KDM4B: variants seen among roughly 807,000 people sequenced by gnomAD.
KDM4B encodes the protein lysine demethylase 4B.
KDM4B carries 32 observed loss-of-function variants against 125.2 expected under a neutral mutation model. The observed-to-expected ratio is 0.26, with a 90% CI of 0.19 to 0.34. The LOEUF (loss-of-function observed/expected upper bound fraction) is 0.34. KDM4B is among the 10% of genes least tolerant of loss of function. KDM4B has a pLI of 1.00. For missense variants in KDM4B, 1,190 were observed against 1,577.7 expected (o/e 0.75, Z 4.16); for synonymous variants, 721 against 677.9 (o/e 1.06, Z -0.99).
intron 1 of KDM4B, among the ~76,000 whole-genome samples, chr19:5,008,593 T>TTC (rs1169107521): frequency 3.3e-4 from 47 of 143,416 alleles, no homozygotes; most frequent in African/African-American, 1.2e-3. Context: ...TTCTTTTTCT[T>TTC]TTTTTTTTTT....
chr19:5,010,709 G>A (rs10402350), intron 1 of KDM4B, among the ~76,000 whole-genome samples: 47,536 of 152,004 alleles, frequency 0.31, 7,650 homozygotes, highest in Non-Finnish European at 0.34. Context: ...ATGCAGTGGC[G>A]CGATCTTCGC....
At chr19:5,087,378 C>T (rs1044506324) in intron 9 of KDM4B, among the ~76,000 whole-genome samples, 1 of 152,246 alleles carries the variant, frequency 6.6e-6, no homozygotes, top group Non-Finnish European at 1.5e-5. Context: ...CGGCTCTCCA[C>T]TCCTGCTCAT....
intron 11 of KDM4B, among the ~76,000 whole-genome samples, chr19:5,124,097 G>A (rs1008561827): frequency 2.0e-5 from 3 of 152,128 alleles, no homozygotes; most frequent in Non-Finnish European, 4.4e-5. Context: ...GAACGTGCTG[G>A]GGGCTGTGTG....
intron 9 of KDM4B, among the ~76,000 whole-genome samples, chr19:5,106,267 C>T (rs1004839976): frequency 2.0e-5 from 3 of 151,412 alleles, no homozygotes; most frequent in East Asian, 3.9e-4. Context: ...TGTGTGTGTG[C>T]GCGCGCGTGC....
At chr19:5,075,853 G>C (rs983462537) in intron 7 of KDM4B, 3 of 152,582 alleles carry the variant, frequency 2.0e-5, no homozygotes, top group African/African-American at 7.2e-5. Flanking sequence ...TTGGTGGCCC[G>C]GGCCTCGATT....
At chr19:5,135,658 A>C in intron 15 of KDM4B, 97 bp downstream of exon 15, 1 of 1,035,164 alleles carries the variant, frequency 9.7e-7, no homozygotes, top group Non-Finnish European at 1.4e-6. Context: ...GGAGGGCCAC[A>C]CCGGCCCCTC....
At chr19:5,118,225 C>T (rs2146011749) in intron 10 of KDM4B, among the ~76,000 whole-genome samples, 1 of 152,310 alleles carries the variant, frequency 6.6e-6, no homozygotes, top group Admixed American at 6.5e-5. Context: ...CACAGGGACC[C>T]CCGTGGGATT....
chr19:5,104,210 G>A (rs1438173118), intron 9 of KDM4B, among the ~76,000 whole-genome samples: 6 of 152,124 alleles, frequency 3.9e-5, no homozygotes, highest in South Asian at 2.1e-4. Flanking sequence ...ACGAGCAGGC[G>A]TGCCAGCACA....
intron 6 of KDM4B, among the ~76,000 whole-genome samples, chr19:5,059,702 G>A (rs1456525523): frequency 6.6e-6 from 1 of 152,248 alleles, no homozygotes; most frequent in Non-Finnish European, 1.5e-5. Context: ...TCGGTCACCA[G>A]GGGCCTGGCG....
chr19:5,027,461 C>CT (rs1777841757), intron 2 of KDM4B, among the ~76,000 whole-genome samples: 1 of 152,132 alleles, frequency 6.6e-6, no homozygotes. Flanking sequence ...CCAGTTTCCT[C>CT]TCTTCTTTTG....
intron 1 of KDM4B, among the ~76,000 whole-genome samples, chr19:4,993,370 C>T (rs1345759584): frequency 1.3e-5 from 2 of 151,522 alleles, no homozygotes. Flanking sequence ...GATCACCCCA[C>T]TACCCTCCAG....
chr19:5,003,788 G>A (rs2035466510), intron 1 of KDM4B, among the ~76,000 whole-genome samples: 1 of 152,120 alleles, frequency 6.6e-6, no homozygotes, highest in South Asian at 2.1e-4. Context: ...CAGCCTGGGT[G>A]ACGAGAGTGA....
Position 4,999,833 on chromosome 19 carries a change from C to T in KDM4B, c.-108-16424C>T, listed in dbSNP as rs547264318. ...TCTATCCACCCGTCCACCCACCCAC[C>T]GACCCACCCACCTATCCATCTATCC... On this transcript the variant is annotated intron_variant, in intron 1 of 22. Coordinates refer to ENST00000159111, the MANE Select transcript of KDM4B (RefSeq NM_015015.3). 3.0e-4 allele frequency among the ~76,000 whole-genome samples: 43 copies of T among 144,214 alleles called. 1 individual carries two copies. Among genetic ancestry groups the T allele is most frequent in the South Asian group, 1.2e-3 (5 of 4,304 alleles). 94.6% of individuals were successfully genotyped at this position (144,214 alleles called of 152,430 possible).
intron 6 of KDM4B, among the ~76,000 whole-genome samples, chr19:5,060,471 A>G (rs1231138747): frequency 7.2e-6 from 1 of 139,698 alleles, no homozygotes; most frequent in Non-Finnish European, 1.5e-5. Flanking sequence ...AAAGGGAGCC[A>G]TGATTGTTCT....
intron 1 of KDM4B, among the ~76,000 whole-genome samples, chr19:4,983,294 C>T (rs532409261): frequency 6.6e-6 from 1 of 152,184 alleles, no homozygotes; most frequent in South Asian, 2.1e-4. Flanking sequence ...GCTTAGTGGA[C>T]CAGGGCCCAC....
chr19:5,022,108 A>G (rs1192049196), intron 2 of KDM4B, among the ~76,000 whole-genome samples: 1 of 152,158 alleles, frequency 6.6e-6, no homozygotes, highest in Non-Finnish European at 1.5e-5. Flanking sequence ...GGTTTTATGG[A>G]CAGAGTCAAG....
chr19:5,089,870 G>A (rs1279475822), intron 9 of KDM4B, among the ~76,000 whole-genome samples: 1 of 152,038 alleles, frequency 6.6e-6, no homozygotes, highest in African/African-American at 2.4e-5. Context: ...TTCAGAATGG[G>A]AGTTAAAAAC....
At chr19:5,056,213 CG>C (rs898749300) in intron 6 of KDM4B, among the ~76,000 whole-genome samples, 1 of 152,134 alleles carries the variant, frequency 6.6e-6, no homozygotes, top group African/African-American at 2.4e-5. Context: ...ACCACAGGGG[CG>C]AAGGGCCCTC....
At chr19:5,004,870 C>G (rs1018876151) in intron 1 of KDM4B, among the ~76,000 whole-genome samples, 1 of 152,096 alleles carries the variant, frequency 6.6e-6, no homozygotes, top group Non-Finnish European at 1.5e-5. Flanking sequence ...CAGAGACATG[C>G]AAATATGGGA....
Sources: allele counts gnomAD v4.1 joint callset (sites outside exome capture counted in the v4.1 genomes callset), GRCh38; gene constraint gnomAD v4.1.1; transcripts MANE v1.5; gene names NCBI Gene and HGNC (gene_info 2026-07-23, HGNC 2026-07-21).